The following GBE1 variants were observed in gnomAD, a reference collection of about 807,000 sequenced individuals.
GBE1 encodes 1,4-alpha-glucan branching enzyme 1.
A neutral mutation model predicts 88.8 loss-of-function variants in GBE1; 70 were observed. The observed-to-expected ratio is 0.79, with a 90% CI of 0.65 to 0.96. GBE1 has a LOEUF of 0.96. Among genes scored for constraint, GBE1 ranks in the 40% least tolerant of loss-of-function variants. GBE1 has a pLI of 0.00. For synonymous variants in GBE1, 284 were observed against 300.1 expected (o/e 0.95, Z 0.56); for missense variants, 872 against 871.0 (o/e 1.00, Z -0.01).
intron 3 of GBE1, among the ~76,000 whole-genome samples, chr3:81,665,638 G>A (rs185942475): frequency 5.6e-4 from 85 of 151,938 alleles, no homozygotes; most frequent in Non-Finnish European, 1.0e-3. Flanking sequence ...GGTCTTCTTG[G>A]GATATGTTAA....
chr3:81,603,652 G>A (rs550171736), intron 7 of GBE1, among the ~76,000 whole-genome samples: 8 of 151,996 alleles, frequency 5.3e-5, no homozygotes, highest in Middle Eastern at 3.4e-3. Flanking sequence ...CCACCACCAC[G>A]CCCAGCTAAT....
chr3:81,520,579 A>C (rs2106845468), intron 14 of GBE1, among the ~76,000 whole-genome samples: 1 of 151,714 alleles, frequency 6.6e-6, no homozygotes, highest in Non-Finnish European at 1.5e-5. Context: ...GAAATATAAT[A>C]ATGATTCTGA....
In GBE1 at chr3:81,620,611, CA is replaced by C. The variant is rs1292986239; in HGVS notation, c.992+22169del. Among the ~76,000 whole-genome samples the C allele has an allele frequency of 2.0e-5, 3 of 151,942 alleles. No homozygotes were observed. The East Asian group carries it at 5.8e-4, about 29-fold the overall frequency. On this transcript the variant is annotated intron_variant, in intron 7 of 15. Transcript: ENST00000429644. ...CAAGCATATGCTATGGAAATAAAGT[CA>C]AAAGGCAAGTCGCTGAAATGACGTG...
chr3:81,684,737 A>G (rs912994262), intron 2 of GBE1, among the ~76,000 whole-genome samples: 2 of 152,226 alleles, frequency 1.3e-5, no homozygotes, highest in Admixed American at 1.3e-4. Context: ...TTAGCAATCA[A>G]AATTTCTCTA....
chr3:81,586,029 A>G (rs899824223), intron 10 of GBE1, 63 bp downstream of exon 10: 1 of 910,680 alleles, frequency 1.1e-6, no homozygotes, highest in East Asian at 2.6e-5. Flanking sequence ...TAAGAAATAA[A>G]TTAAAGATAA....
At chr3:81,654,216 A>C (rs904003540) in intron 3 of GBE1, among the ~76,000 whole-genome samples, 4 of 152,198 alleles carry the variant, frequency 2.6e-5, no homozygotes, top group Non-Finnish European at 4.4e-5. Flanking sequence ...AACTGTGTAA[A>C]AGTCAAATTA....
At chr3:81,706,782 C>T (rs138608172) in intron 1 of GBE1, among the ~76,000 whole-genome samples, 1 of 151,432 alleles carries the variant, frequency 6.6e-6, no homozygotes, top group Middle Eastern at 3.2e-3. Flanking sequence ...TATATGACAA[C>T]AGAATGAAAA....
At chr3:81,636,034 G>A (rs973788067) in intron 7 of GBE1, among the ~76,000 whole-genome samples, 39 of 152,036 alleles carry the variant, frequency 2.6e-4, no homozygotes, top group African/African-American at 8.9e-4. Context: ...ATACAAAGAC[G>A]GTAAATCCTT....
chr3:81,540,904 C>T (rs1438012707), intron 12 of GBE1, among the ~76,000 whole-genome samples: 1 of 152,034 alleles, frequency 6.6e-6, no homozygotes, highest in South Asian at 2.1e-4. Context: ...TGTAGTTTAA[C>T]TGACAGTTGA....
At chr3:81,673,243 A>C (rs1462248787) in intron 2 of GBE1, among the ~76,000 whole-genome samples, 1 of 151,924 alleles carries the variant, frequency 6.6e-6, no homozygotes, top group Admixed American at 6.6e-5. Context: ...TAATCACTTA[A>C]GACAAGCAGC....
intron 7 of GBE1, among the ~76,000 whole-genome samples, chr3:81,597,175 T>C (rs1403695197): frequency 2.0e-5 from 3 of 151,904 alleles, no homozygotes; most frequent in Non-Finnish European, 4.4e-5. Context: ...TTACTTTTTC[T>C]ACCTCAAAAT....
intron 7 of GBE1, among the ~76,000 whole-genome samples, chr3:81,615,388 C>T (rs1003087406): frequency 1.3e-5 from 2 of 152,168 alleles, no homozygotes; most frequent in African/African-American, 4.8e-5. Flanking sequence ...AATTGTGTCA[C>T]TAGAAGGAAT....
Position 81,535,245 on chromosome 3 carries a change from A to G in GBE1, c.1884T>C (p.His628=). 1.9e-6 allele frequency: 3 copies of G among 1,611,208 alleles called. No homozygotes were observed. The highest frequency in any genetic ancestry group is 2.5e-6 in the Non-Finnish European group (3 of 1,178,584). Reference sequence around the variant, plus strand: ...GGTAGTCAGTGTAGCTCTTGCTTGGATGGAAGTTGAAAATGAAAAGAAGAC... The same window carrying G: ...GGTAGTCAGTGTAGCTCTTGCTTGGGTGGAAGTTGAAAATGAAAAGAAGAC... The part of the protein sequence containing the change: ...RAGLLFIFNF[H]PSKSYTDYRV... Residue 628 remains histidine (H), a synonymous_variant, in exon 14 of 16, where the codon CAT becomes CAC. Transcript: ENST00000429644.
At position 81,720,527 on chromosome 3, in the gene GBE1, C is replaced by A. The variant is rs572896356; in HGVS notation, c.144-14914G>T. Among the ~76,000 whole-genome samples, 7 of 152,090 alleles carry A rather than the reference C, an allele frequency of 4.6e-5. No individual in the cohort carries two copies. The South Asian group carries it at 1.0e-3, about 23-fold the overall frequency. ...TCAATTTATTACATCTCCTCCATTACCTATTTTATTCTTTTAACTATTTAC... is the reference window on the plus strand; with the variant it reads ...TCAATTTATTACATCTCCTCCATTAACTATTTTATTCTTTTAACTATTTAC... On this transcript the variant is annotated intron_variant, in intron 1 of 15. Coordinates refer to ENST00000429644, the MANE Select transcript of GBE1 (RefSeq NM_000158.4).
chr3:81,670,892 A>G lies in GBE1; in HGVS notation c.375T>C (p.Tyr125=). The G allele has an allele frequency of 6.3e-7, 1 of 1,583,358 alleles. No individual in the cohort carries two copies. The highest frequency in any genetic ancestry group is 8.6e-7 in the Non-Finnish European group (1 of 1,168,240). Residue 125 remains tyrosine, a synonymous_variant, in exon 3 of 16, where the codon TAT becomes TAC. Transcript: ENST00000429644. ...KKLDYGKWEL[Y]IPPKQNKSVL... ...CAGATTTATTCTGCTTTGGTGGGAT[A>G]TACAGCTCCCATTTTCCATAATCCA...
chr3:81,742,396 A>G (rs1432718013), intron 1 of GBE1, among the ~76,000 whole-genome samples: 2 of 152,126 alleles, frequency 1.3e-5, no homozygotes, highest in East Asian at 1.9e-4. Flanking sequence ...TCTATTCATT[A>G]AAAAAGGATG....
intron 7 of GBE1, among the ~76,000 whole-genome samples, chr3:81,642,161 C>T (rs1263220132): frequency 6.6e-6 from 1 of 151,846 alleles, no homozygotes; most frequent in Non-Finnish European, 1.5e-5. Flanking sequence ...TCTGTCTGAT[C>T]TTAACAAATG....
chr3:81,761,254 A>C, intron 1 of GBE1, 121 bp downstream of exon 1: 1 of 1,316,270 alleles, frequency 7.6e-7, no homozygotes, highest in Non-Finnish European at 1.0e-6. Context: ...CCGCCCACTC[A>C]GGTTCCTCCC....
chr3:81,715,270 T>C (rs1367794136), intron 1 of GBE1, among the ~76,000 whole-genome samples: 1 of 152,186 alleles, frequency 6.6e-6, no homozygotes, highest in African/African-American at 2.4e-5. Context: ...ATCAAATGTA[T>C]ACAGATCTGC....
Sources: allele counts gnomAD v4.1 joint callset (sites outside exome capture counted in the v4.1 genomes callset), GRCh38; gene constraint gnomAD v4.1.1; transcripts MANE v1.5; gene names NCBI Gene and HGNC (gene_info 2026-07-23, HGNC 2026-07-21).